The following DPP6 variants were observed in gnomAD, a reference collection of about 807,000 sequenced individuals.
DPP6 encodes the protein dipeptidyl peptidase like 6, also known as A-type potassium channel modulatory protein DPP6.
A neutral mutation model predicts 122.6 loss-of-function variants in DPP6; 69 were observed. That is an observed-to-expected ratio of 0.56 (90% CI 0.46 to 0.69). The LOEUF is 0.69. Among genes scored for constraint, DPP6 ranks in the 30% least tolerant of loss-of-function variants. The probability of loss-of-function intolerance (pLI) is 0.00; values close to 1 mark genes in which losing one functional copy is unlikely to be tolerated. For missense variants in DPP6, 928 were observed against 1,116.9 expected, an observed-to-expected ratio of 0.83 and a Z score of 2.41; for synonymous variants, 418 against 433.1, an observed-to-expected ratio of 0.97 and a Z score of 0.43.
At chr7:154,738,066 G>A (rs1193737701) in intron 8 of DPP6, among the ~76,000 whole-genome samples, 1 of 152,226 alleles carries the variant, frequency 6.6e-6, no homozygotes, top group African/African-American at 2.4e-5. Flanking sequence ...TGAGATGTCC[G>A]GTGAAGGTCA....
At chr7:153,755,070 A>G in the DPP6 span, among the ~76,000 whole-genome samples, 1 of 151,938 alleles carries the variant, frequency 6.6e-6, no homozygotes, top group Non-Finnish European at 1.5e-5. Context: ...ATGTCCTTGT[A>G]TGTTGAGTGA....
intron 1 of DPP6, among the ~76,000 whole-genome samples, chr7:154,408,734 CCT>C (rs944533302): frequency 1.3e-5 from 2 of 151,882 alleles, no homozygotes; most frequent in African/African-American, 4.8e-5. Context: ...TTTCCAGTCT[CCT>C]CTGGTCTATG....
At chr7:153,826,007 T>G in the DPP6 span, among the ~76,000 whole-genome samples, 3 of 152,228 alleles carry the variant, frequency 2.0e-5, no homozygotes, top group South Asian at 4.1e-4. Context: ...CATGCTTGCC[T>G]GGTACCATAA....
intron 1 of DPP6, among the ~76,000 whole-genome samples, chr7:154,394,388 T>C (rs950488364): frequency 1.3e-5 from 2 of 150,818 alleles, no homozygotes; most frequent in Middle Eastern, 3.4e-3. Flanking sequence ...TTGTGTACCT[T>C]TTTTGGAGAA....
At chr7:154,180,883 CATT>C (rs1284732332) in intron 1 of DPP6, among the ~76,000 whole-genome samples, 1 of 152,280 alleles carries the variant, frequency 6.6e-6, no homozygotes, top group African/African-American at 2.4e-5. Context: ...TTCAAGTTCA[CATT>C]ATTTTTATCA....
intron 5 of DPP6, among the ~76,000 whole-genome samples, chr7:154,572,586 G>A (rs546061009): frequency 2.5e-4 from 32 of 127,764 alleles, no homozygotes; most frequent in South Asian, 1.0e-3. Flanking sequence ...GCGTGATCTC[G>A]ACTCACTGCA....
chr7:154,775,579 T>C (rs887357545), intron 10 of DPP6, among the ~76,000 whole-genome samples: 6 of 152,070 alleles, frequency 3.9e-5, no homozygotes, highest in Admixed American at 1.3e-4. Flanking sequence ...ACCAGTGAGC[T>C]CTTAAAAAGA....
chr7:153,833,309 A>G, the DPP6 span, among the ~76,000 whole-genome samples: 1 of 152,174 alleles, frequency 6.6e-6, no homozygotes, highest in African/African-American at 2.4e-5. Flanking sequence ...CTAAAACGTA[A>G]TCCTCTTTTT....
chr7:153,808,593 A>G, the DPP6 span, among the ~76,000 whole-genome samples: 1 of 152,076 alleles, frequency 6.6e-6, no homozygotes, highest in Non-Finnish European at 1.5e-5. Flanking sequence ...CCCGTCCTCA[A>G]CTACTGTTCT....
At chr7:154,700,209 T>C (rs1219817306) in intron 7 of DPP6, among the ~76,000 whole-genome samples, 1 of 152,256 alleles carries the variant, frequency 6.6e-6, no homozygotes, top group Non-Finnish European at 1.5e-5. Context: ...TATTTTTGGA[T>C]TCATTGGTAC....
intron 8 of DPP6, among the ~76,000 whole-genome samples, chr7:154,749,620 A>G (rs1431797767): frequency 7.4e-6 from 1 of 135,252 alleles, no homozygotes; most frequent in African/African-American, 2.8e-5. Flanking sequence ...TTACTGTGAG[A>G]GTGTGAGGAA....
chr7:154,747,774 C>A (rs953026202), intron 8 of DPP6, among the ~76,000 whole-genome samples: 1 of 152,142 alleles, frequency 6.6e-6, no homozygotes, highest in African/African-American at 2.4e-5. Context: ...CTCAGCAATG[C>A]GGAGACGGTG....
At position 154,760,963 on chromosome 7, in the gene DPP6, T is replaced by G. The variant is rs943042801; in HGVS notation, c.884-8454T>G. Reference sequence around the variant, plus strand: ...GATTCTCCTGCCTCAGCCTCCCGGATAGCTGGGACTACAGGCGCCTGCCAC... The same window carrying G: ...GATTCTCCTGCCTCAGCCTCCCGGAGAGCTGGGACTACAGGCGCCTGCCAC... On this transcript the variant is annotated intron_variant, in intron 8 of 25. Coordinates refer to ENST00000377770, the MANE Select transcript of DPP6 (RefSeq NM_130797.4). The surrounding 1 kb of genome is among the most constrained non-coding windows in gnomAD (Gnocchi z 4.5). Among the ~76,000 whole-genome samples the G allele has an allele frequency of 6.6e-6, 1 of 151,872 alleles. No individual in the cohort carries two copies. Among genetic ancestry groups the G allele is most frequent in the African/African-American group, 2.4e-5 (1 of 41,334 alleles).
At chr7:154,662,182 G>C (rs1455759909) in intron 6 of DPP6, among the ~76,000 whole-genome samples, 1 of 151,248 alleles carries the variant, frequency 6.6e-6, no homozygotes, top group East Asian at 2.0e-4. Flanking sequence ...ATATAGTCAT[G>C]GTGAATCACT....
chr7:154,479,569 A>AAAG (rs1823059392), intron 3 of DPP6, among the ~76,000 whole-genome samples: 1 of 122,884 alleles, frequency 8.1e-6, no homozygotes, highest in South Asian at 2.8e-4. Context: ...AAAAAAAAAA[A>AAAG]AAAAAGAAAA....
intron 5 of DPP6, among the ~76,000 whole-genome samples, chr7:154,614,450 G>A (rs1400595635): frequency 2.0e-5 from 3 of 152,132 alleles, no homozygotes; most frequent in Non-Finnish European, 2.9e-5. Context: ...GAATTTAGGT[G>A]CAAATGGAAA....
At chr7:154,124,992 G>A (rs1807772998) in intron 1 of DPP6, among the ~76,000 whole-genome samples, 1 of 152,130 alleles carries the variant, frequency 6.6e-6, no homozygotes, top group African/African-American at 2.4e-5. Flanking sequence ...AGGGGGCTGA[G>A]GTGTGTGTGT....
chr7:154,160,834 A>AT (rs1796943568), intron 1 of DPP6, among the ~76,000 whole-genome samples: 1 of 152,210 alleles, frequency 6.6e-6, no homozygotes, highest in South Asian at 2.1e-4. Flanking sequence ...GACTATCCTA[A>AT]TACAGTCAGA....
At chr7:154,176,893 G>A (rs1797832094) in intron 1 of DPP6, among the ~76,000 whole-genome samples, 1 of 152,018 alleles carries the variant, frequency 6.6e-6, no homozygotes, top group South Asian at 2.1e-4. Flanking sequence ...CCAGGTTACA[G>A]TGTGATCCTG....
Sources: allele counts gnomAD v4.1 joint callset (sites outside exome capture counted in the v4.1 genomes callset), GRCh38; gene constraint gnomAD v4.1.1; non-coding constraint Gnocchi (gnomAD v3.1); transcripts MANE v1.5; gene names NCBI Gene and HGNC (gene_info 2026-07-23, HGNC 2026-07-21).